Variants in RABGEF1 observed in about 807,000 individuals in gnomAD.
RABGEF1 encodes the protein rab5 GDP/GTP exchange factor.
In RABGEF1, 26 loss-of-function variants were observed where a neutral mutation model predicts 57.3. The ratio of observed to expected loss-of-function variants is 0.45; its 90% CI spans 0.33 to 0.63. The LOEUF (loss-of-function observed/expected upper bound fraction) is 0.63. RABGEF1 is among the 20% of genes least tolerant of loss of function. The pLI, the probability that RABGEF1 is intolerant of heterozygous loss-of-function variation, is 0.02. For missense variants in RABGEF1, 464 were observed against 607.6 expected (o/e 0.76, Z 2.48); for synonymous variants, 185 against 210.7 (o/e 0.88, Z 1.06).
At chr7:66,730,409 T>TTA (rs1797168840) in intron 2 of RABGEF1, among the ~76,000 whole-genome samples, 1 of 152,166 alleles carries the variant, frequency 6.6e-6, no homozygotes, top group Admixed American at 6.6e-5. Flanking sequence ...ATTATTATTT[T>TTA]TAGATAGAGT....
chr7:66,763,472 A>G (rs1804952151), intron 1 of RABGEF1, among the ~76,000 whole-genome samples: 1 of 151,976 alleles, frequency 6.6e-6, no homozygotes, highest in Non-Finnish European at 1.5e-5. Flanking sequence ...TAGTGCTTTG[A>G]CTCTCTCTAA....
At chr7:66,754,804 T>A (rs966663353) in intron 1 of RABGEF1, among the ~76,000 whole-genome samples, 1 of 152,220 alleles carries the variant, frequency 6.6e-6, no homozygotes, top group Non-Finnish European at 1.5e-5. Flanking sequence ...TATGTGTGTA[T>A]CACTTTACCC....
chr7:66,709,177 T>G (rs1213231576), intron 1 of RABGEF1, among the ~76,000 whole-genome samples: 1 of 151,920 alleles, frequency 6.6e-6, no homozygotes, highest in Non-Finnish European at 1.5e-5. Context: ...CCCGGCTAAT[T>G]TTTGTATTTT....
intron 1 of RABGEF1, among the ~76,000 whole-genome samples, chr7:66,763,722 A>G (rs1233911879): frequency 1.3e-5 from 2 of 152,226 alleles, no homozygotes; most frequent in East Asian, 3.8e-4. Context: ...TGTTCAGATG[A>G]ATGGAATCAT....
intron 1 of RABGEF1, among the ~76,000 whole-genome samples, chr7:66,703,434 G>A (rs1005311836): frequency 1.6e-4 from 25 of 152,092 alleles, no homozygotes; most frequent in Non-Finnish European, 2.9e-5. Flanking sequence ...CTCACAGTTA[G>A]GTCTTTTATC....
intron 4 of RABGEF1, among the ~76,000 whole-genome samples, chr7:66,786,046 A>G (rs1811116539): frequency 6.6e-6 from 1 of 152,212 alleles, no homozygotes; most frequent in African/African-American, 2.4e-5. Context: ...CCATAAATGG[A>G]TAATTGTTCC....
chr7:66,674,951 CTA>C, the RABGEF1 span, among the ~76,000 whole-genome samples: 97,939 of 148,938 alleles, frequency 0.66, 32,315 homozygotes, highest in African/African-American at 0.76. Context: ...AATTATAAAA[CTA>C]TATATATATA....
intron 4 of RABGEF1, among the ~76,000 whole-genome samples, chr7:66,789,972 C>T (rs1224142688): frequency 1.3e-5 from 2 of 152,114 alleles, no homozygotes; most frequent in Non-Finnish European, 2.9e-5. Flanking sequence ...CAGATACTCC[C>T]TCTACGGACA....
the RABGEF1 span, among the ~76,000 whole-genome samples, chr7:66,671,817 C>CTTTT: frequency 1.7e-4 from 21 of 125,466 alleles, no homozygotes; most frequent in Admixed American, 2.5e-4. Context: ...GTGAGACTGT[C>CTTTT]TTTTTTTTTT....
At chr7:66,660,513 C>G in the RABGEF1 span, among the ~76,000 whole-genome samples, 1 of 151,366 alleles carries the variant, frequency 6.6e-6, no homozygotes, top group Non-Finnish European at 1.5e-5. Flanking sequence ...GACTGAATCA[C>G]AAACAAAGAA....
intron 1 of RABGEF1, among the ~76,000 whole-genome samples, chr7:66,755,535 A>T (rs1252548061): frequency 2.0e-5 from 3 of 152,170 alleles, no homozygotes; most frequent in African/African-American, 7.2e-5. Context: ...GAGACCACCT[A>T]ATATGTTGCA....
the RABGEF1 span, among the ~76,000 whole-genome samples, chr7:66,659,129 G>A: frequency 0.015 from 2,215 of 152,222 alleles, 59 homozygotes; most frequent in East Asian, 0.093. Flanking sequence ...GACCAATATT[G>A]CTTATGAACA....
chr7:66,655,740 G>T, the RABGEF1 span, among the ~76,000 whole-genome samples: 1 of 152,184 alleles, frequency 6.6e-6, no homozygotes, highest in Non-Finnish European at 1.5e-5. Context: ...AAGAAAATGT[G>T]ATTATATTGT....
In RABGEF1 at chr7:66,805,396, GGTGA is replaced by G. The variant is rs774928712; in HGVS notation, c.1077+3_1077+6del. On this transcript the variant is annotated splice_donor_variant and splice_donor_region_variant and intron_variant, in intron 8 of 8. Transcript: ENST00000284957. LOFTEE classifies it high-confidence loss of function. ...AGGATGGCTACTATTTCACCAATCT[GGTGA>G]GTAAGTGAGTTCTTGGTGTTGTGGA... is the stretch of plus-strand genomic sequence containing the variant. 38 of 1,613,848 alleles carry G rather than the reference GGTGA, an allele frequency of 2.4e-5. No homozygotes were observed. The highest frequency in any genetic ancestry group is 3.1e-5 in the Non-Finnish European group (36 of 1,179,982).
At chr7:66,787,406 T>G (rs2129149283) in intron 4 of RABGEF1, among the ~76,000 whole-genome samples, 1 of 148,742 alleles carries the variant, frequency 6.7e-6, no homozygotes, top group South Asian at 2.1e-4. Flanking sequence ...TGCAGTGGCG[T>G]GATTTCGGCT....
intron 1 of RABGEF1, among the ~76,000 whole-genome samples, chr7:66,759,486 A>G (rs371128364): frequency 7.2e-5 from 11 of 152,194 alleles, no homozygotes; most frequent in African/African-American, 2.2e-4. Flanking sequence ...CACATAGTAT[A>G]TTAGTTCGTT....
intron 2 of RABGEF1, among the ~76,000 whole-genome samples, chr7:66,714,358 T>G (rs1185194395): frequency 6.6e-6 from 1 of 152,230 alleles, no homozygotes; most frequent in African/African-American, 2.4e-5. Context: ...ATAGACTTGT[T>G]CATAATATCC....
At chr7:66,735,755 TGTAA>T (rs1437739472), upstream of RABGEF1, among the ~76,000 whole-genome samples, 2 of 152,200 alleles carry the variant, frequency 1.3e-5, no homozygotes, top group East Asian at 3.8e-4. Flanking sequence ...CTGCCATGAT[TGTAA>T]GTTTCCAGAG....
exon 1 of RABGEF1, chr7:66,682,234 G>C (rs1419361944): frequency 6.1e-6 from 1 of 165,124 alleles, no homozygotes; most frequent in Non-Finnish European, 1.5e-5. Flanking sequence ...GCTGCGGCTC[G>C]GACGCCAGCG....
Sources: gnomAD v4.1 joint callset for allele counts (sites outside exome capture counted in the v4.1 genomes callset) on GRCh38, gnomAD v4.1.1 for gene constraint, MANE v1.5 for transcripts, NCBI Gene and HGNC (gene_info 2026-07-23, HGNC 2026-07-21) for gene names.